INTS6: variants seen among roughly 807,000 people sequenced by gnomAD.
INTS6 encodes integrator complex subunit 6, also known as DEAD box protein.
In INTS6, 16 loss-of-function variants were observed where a neutral mutation model predicts 104.9. That is an observed-to-expected ratio of 0.15 (90% CI 0.10 to 0.23). The LOEUF is 0.23. INTS6 is among the 10% of genes least tolerant of loss of function. The pLI is 1.00. For missense variants in INTS6, 584 were observed against 1,062.8 expected, an observed-to-expected ratio of 0.55 and a Z score of 6.26; for synonymous variants, 324 against 358.7, an observed-to-expected ratio of 0.90 and a Z score of 1.09.
chr13:51,430,589 G>A (rs191778924), intron 3 of INTS6, among the ~76,000 whole-genome samples: 129 of 152,324 alleles, frequency 8.5e-4, no homozygotes, highest in African/African-American at 2.7e-3. Flanking sequence ...GGATTAGGTA[G>A]AGAAAGAGGT....
chr13:51,418,109 ATAAT>A (rs1956827078), intron 4 of INTS6, among the ~76,000 whole-genome samples: 1 of 152,222 alleles, frequency 6.6e-6, no homozygotes, highest in Non-Finnish European at 1.5e-5. Flanking sequence ...ATTTTTTAAA[ATAAT>A]TAAGCTCAAC....
At position 51,452,573 on chromosome 13, in the gene INTS6, A is replaced by G. The variant is rs535285775; in HGVS notation, c.-48T>C. 1.9e-6 allele frequency: 3 copies of G among 1,592,486 alleles called. No individual in the cohort carries two copies. Among genetic ancestry groups the G allele is most frequent in the African/African-American group, 1.4e-5 (1 of 73,984 alleles). ...GCCCGAGGTGGTGGAGAAAGAGGAG[A>G]TGGTAGAGGTGGAGGCGCCGGTGGC... On this transcript the variant is annotated 5_prime_UTR_variant, in exon 1 of 18. Coordinates refer to ENST00000311234, the MANE Select transcript of INTS6 (RefSeq NM_012141.3). The surrounding 1 kb of genome is among the most constrained non-coding windows in gnomAD (Gnocchi z 4.2).
the INTS6 span, among the ~76,000 whole-genome samples, chr13:51,346,782 C>T: frequency 6.6e-6 from 1 of 152,206 alleles, no homozygotes; most frequent in Admixed American, 6.5e-5. Context: ...GCTCAACAGT[C>T]CCCAAAAGTT....
intron 3 of INTS6, chr13:51,449,716 G>A (rs1387834228): frequency 5.1e-6 from 5 of 985,180 alleles, no homozygotes; most frequent in Non-Finnish European, 6.0e-6. Context: ...TATCACAAAG[G>A]AATATAAAAG....
chr13:51,429,594 T>C (rs547866595), intron 4 of INTS6, among the ~76,000 whole-genome samples: 6 of 151,360 alleles, frequency 4.0e-5, no homozygotes, highest in Non-Finnish European at 8.8e-5. Flanking sequence ...CAAGACACCA[T>C]CTCTACTAAA....
chr13:51,342,076 C>G, the INTS6 span, among the ~76,000 whole-genome samples: 1 of 151,422 alleles, frequency 6.6e-6, no homozygotes, highest in Admixed American at 6.6e-5. Flanking sequence ...AGCTCAATGC[C>G]TGGCCTCAGA....
At chr13:51,413,693 T>C (rs1449386818) in intron 4 of INTS6, among the ~76,000 whole-genome samples, 4 of 152,218 alleles carry the variant, frequency 2.6e-5, no homozygotes, top group Non-Finnish European at 5.9e-5. Context: ...AAATATTTCC[T>C]AGCTCTGTAC....
chr13:51,417,157 T>TCA, intron 4 of INTS6, among the ~76,000 whole-genome samples: 1 of 152,318 alleles, frequency 6.6e-6, no homozygotes, highest in Non-Finnish European at 1.5e-5. Flanking sequence ...ATATTTTCTC[T>TCA]CATTCTGTTA....
chr13:51,382,356 A>G (rs1427490503), intron 9 of INTS6, among the ~76,000 whole-genome samples: 1 of 152,248 alleles, frequency 6.6e-6, no homozygotes, highest in Non-Finnish European at 1.5e-5. Flanking sequence ...GAAAACACAC[A>G]AGGAAAATCT....
chr13:51,388,879 G>GACCCACA (rs1956193884), intron 6 of INTS6, among the ~76,000 whole-genome samples: 2 of 122,490 alleles, frequency 1.6e-5, no homozygotes, highest in Non-Finnish European at 3.3e-5. Flanking sequence ...GGCAAAGCCT[G>GACCCACA]GTTCCTCATT....
rs17529251 is a variant in INTS6, at chr13:51,423,228, G to A, written c.429+7066C>T. The A allele has an allele frequency of 8.0e-3, 2,914 of 364,226 alleles. 22 individuals are homozygous for A. The highest frequency in any genetic ancestry group is 0.013 in the South Asian group (529 of 40,386). 22.6% of individuals were successfully genotyped at this position (364,226 alleles called of 1,614,324 possible). ...ATACTTTCACAATTCAAAATCTAAC[G>A]AATTCATTCTGGAAGGGTATTTTTG... On this transcript the variant is annotated intron_variant, in intron 4 of 17. Coordinates refer to ENST00000311234, the MANE Select transcript of INTS6 (RefSeq NM_012141.3).
the INTS6 span, among the ~76,000 whole-genome samples, chr13:51,342,583 G>A: frequency 6.6e-6 from 1 of 152,150 alleles, no homozygotes; most frequent in African/African-American, 2.4e-5. Flanking sequence ...CTAGGGCAGA[G>A]AAAAGATTTC....
chr13:51,435,298 T>C (rs768659171), intron 3 of INTS6, among the ~76,000 whole-genome samples: 7 of 152,000 alleles, frequency 4.6e-5, no homozygotes, highest in Non-Finnish European at 1.0e-4. Context: ...ATGCAAAATA[T>C]AATGTTCTAG....
At chr13:51,346,258 T>C in the INTS6 span, among the ~76,000 whole-genome samples, 1 of 152,148 alleles carries the variant, frequency 6.6e-6, no homozygotes, top group African/African-American at 2.4e-5. Context: ...ACAAAGACCA[T>C]ACCTTGAATA....
rs1156333077 is a variant in INTS6, at chr13:51,429,785, A to AAAAAAAAAAAAAAATATAT, written c.429+508_429+509insATATATTTTTTTTTTTTTT. On this transcript the variant is annotated intron_variant, in intron 4 of 17. Transcript: ENST00000311234. ...TCTCAAAAAAAAAAAAAAAAAAAAA[A>AAAAAAAAAAAAAAATATAT]ATATATATATATATATATATATATG... is the stretch of plus-strand genomic sequence containing the variant. Among the ~76,000 whole-genome samples the AAAAAAAAAAAAAAATATAT allele has an allele frequency of 3.2e-5, 3 of 92,358 alleles. 1 individual carries two copies. The highest frequency in any genetic ancestry group is 5.9e-5 in the Non-Finnish European group (3 of 50,496). 60.6% of individuals were successfully genotyped at this position (92,358 alleles called of 152,430 possible). A position where few individuals can be genotyped will look rare whatever the true frequency, so the allele number is the denominator to read the frequency against.
rs1955590063 is a variant in INTS6, at chr13:51,362,095, T to C, written c.*3657A>G. On this transcript the variant is annotated 3_prime_UTR_variant, in exon 18 of 18. Transcript: ENST00000311234. ...ACAAAGGAAACTTATCCTCCATGTT[T>C]TTTACCTTCTCATTCTCTCAGCTCA... 1.2e-5 allele frequency: 18 copies of C among 1,506,970 alleles called. No individual in the cohort carries two copies. Among genetic ancestry groups the C allele is most frequent in the Non-Finnish European group, 1.6e-5 (18 of 1,136,894 alleles). The allele number at this position is 1,506,970 out of a possible 1,614,324, so 93.3% of individuals were successfully genotyped here.
At chr13:51,445,054 T>C (rs888000203) in intron 3 of INTS6, 2 of 152,188 alleles carry the variant, frequency 1.3e-5, no homozygotes, top group Admixed American at 6.5e-5. Flanking sequence ...CCAACATATG[T>C]GCTCCTAAAA....
intron 5 of INTS6, among the ~76,000 whole-genome samples, chr13:51,390,614 A>T (rs1956229294): frequency 6.6e-6 from 1 of 152,020 alleles, no homozygotes. Flanking sequence ...TCACAACACA[A>T]GCTACATCAT....
In INTS6 at chr13:51,371,490, T is replaced by C. The variant is rs565881704; in HGVS notation, c.2105-2180A>G. Among the ~76,000 whole-genome samples the C allele has an allele frequency of 9.9e-5, 15 of 152,234 alleles. No individual in the cohort carries two copies. The East Asian group carries it at 2.7e-3, about 27-fold the overall frequency. On this transcript the variant is annotated intron_variant, in intron 15 of 17. Transcript: ENST00000311234. ...AAAAGTGATATATCACTTTTACTAATGTCTGAATTTCTCTTATTCTACTGT... is the reference window on the plus strand; with the variant it reads ...AAAAGTGATATATCACTTTTACTAACGTCTGAATTTCTCTTATTCTACTGT...
Sources: allele counts gnomAD v4.1 joint callset (sites outside exome capture counted in the v4.1 genomes callset), GRCh38; gene constraint gnomAD v4.1.1; non-coding constraint Gnocchi (gnomAD v3.1); transcripts MANE v1.5; gene names NCBI Gene and HGNC (gene_info 2026-07-23, HGNC 2026-07-21).